Variants in ZFPM2 observed in about 807,000 individuals in gnomAD.
ZFPM2 encodes zinc finger protein ZFPM2.
A neutral mutation model predicts 98.6 loss-of-function variants in ZFPM2; 20 were observed. That is an observed-to-expected ratio of 0.20 (90% CI 0.14 to 0.29). The LOEUF (loss-of-function observed/expected upper bound fraction) is 0.29. Ranked by LOEUF, ZFPM2 falls within the 10% of genes least tolerant of loss-of-function variation. The pLI, the probability that ZFPM2 is intolerant of heterozygous loss-of-function variation, is 1.00. For missense variants in ZFPM2, 1,310 were observed against 1,388.6 expected (o/e 0.94, Z 0.90); for synonymous variants, 518 against 502.7 (o/e 1.03, Z -0.41).
At chr8:105,533,031 C>T (rs368213533) in intron 3 of ZFPM2, among the ~76,000 whole-genome samples, 1 of 151,852 alleles carries the variant, frequency 6.6e-6, no homozygotes, top group African/African-American at 2.4e-5. Context: ...AATTTGAATG[C>T]GTAGAATTAA....
chr8:105,746,007 A>T (rs560104870), intron 5 of ZFPM2, among the ~76,000 whole-genome samples: 1 of 152,118 alleles, frequency 6.6e-6, no homozygotes, highest in African/African-American at 2.4e-5. Context: ...CCTGGCCTCA[A>T]TTGATCCTCC....
At chr8:105,475,638 T>C (rs1812998700) in intron 3 of ZFPM2, among the ~76,000 whole-genome samples, 1 of 152,202 alleles carries the variant, frequency 6.6e-6, no homozygotes, top group South Asian at 2.1e-4. Context: ...CAAATTTCAA[T>C]GTGAATTAGA....
At chr8:105,658,581 C>A (rs1416018560) in intron 5 of ZFPM2, among the ~76,000 whole-genome samples, 1 of 11,148 alleles carries the variant, frequency 9.0e-5, no homozygotes, top group African/African-American at 2.8e-4. Context: ...AGCGAGACTC[C>A]GTCTCAAAAA....
chr8:105,524,896 A>G (rs1269463605), intron 3 of ZFPM2, among the ~76,000 whole-genome samples: 1 of 152,176 alleles, frequency 6.6e-6, no homozygotes, highest in Non-Finnish European at 1.5e-5. Flanking sequence ...GTGTCTCACC[A>G]GGAGATAATG....
intron 1 of ZFPM2, among the ~76,000 whole-genome samples, chr8:105,349,927 T>C (rs1586308707): frequency 6.6e-6 from 1 of 152,328 alleles, no homozygotes; most frequent in Admixed American, 6.5e-5. Context: ...TGATTTGTTA[T>C]AATTTATTTA....
intron 5 of ZFPM2, among the ~76,000 whole-genome samples, chr8:105,657,804 CA>C (rs1254959872): frequency 1.3e-5 from 2 of 152,184 alleles, no homozygotes; most frequent in East Asian, 3.9e-4. Context: ...GTCCAAGACA[CA>C]ACCTTGCCTA....
At chr8:105,470,448 G>T (rs187437614) in intron 3 of ZFPM2, among the ~76,000 whole-genome samples, 2 of 152,104 alleles carry the variant, frequency 1.3e-5, no homozygotes, top group African/African-American at 4.8e-5. Flanking sequence ...ACCTGGGGAT[G>T]GTAAACAACA....
At chr8:105,537,962 C>G (rs1814492121) in intron 3 of ZFPM2, among the ~76,000 whole-genome samples, 1 of 152,060 alleles carries the variant, frequency 6.6e-6, no homozygotes, top group African/African-American at 2.4e-5. Context: ...GATCTCCTGA[C>G]CTCATGATCC....
intron 4 of ZFPM2, among the ~76,000 whole-genome samples, chr8:105,624,326 C>T (rs1383132816): frequency 2.6e-5 from 4 of 152,182 alleles, no homozygotes; most frequent in African/African-American, 9.6e-5. Flanking sequence ...AAACAACACT[C>T]CTTAAACACC....
At chr8:105,470,056 A>C (rs1163033448) in intron 3 of ZFPM2, among the ~76,000 whole-genome samples, 2 of 152,188 alleles carry the variant, frequency 1.3e-5, no homozygotes, top group Non-Finnish European at 2.9e-5. Context: ...CATGAGTGTA[A>C]AAGCTATGTC....
chr8:105,571,155 A>G (rs1250643012), intron 4 of ZFPM2, among the ~76,000 whole-genome samples: 1 of 152,222 alleles, frequency 6.6e-6, no homozygotes, highest in East Asian at 1.9e-4. Flanking sequence ...CTATTGATTT[A>G]TAGCTCCAGA....
rs1404513559 is a variant in ZFPM2, at chr8:105,419,295, T to G, written c.192T>G (p.Cys64Trp). 1.2e-6 allele frequency: 2 copies of G among 1,613,272 alleles called. No individual in the cohort carries two copies. Among genetic ancestry groups the G allele is most frequent in the Non-Finnish European group, 1.7e-6 (2 of 1,179,558 alleles). ...GCTGCGAAGAAGTGGAATACTTTTG[T>G]AACAAAGGTAATTGTTGATGGTTGG... is the stretch of plus-strand genomic sequence containing the variant. ...NLSCEEVEYF[C>W]NKGDDEGIQE... Residue 64 changes from cysteine (C) to tryptophan (W), a missense_variant, in exon 2 of 8, where the codon TGT becomes TGG. Coordinates refer to ENST00000407775, the MANE Select transcript of ZFPM2 (RefSeq NM_012082.4).
intron 3 of ZFPM2, among the ~76,000 whole-genome samples, chr8:105,557,167 A>G (rs1043487328): frequency 1.3e-5 from 2 of 152,112 alleles, no homozygotes; most frequent in Non-Finnish European, 2.9e-5. Flanking sequence ...TAAAGTTTCT[A>G]TGCCTATTCC....
intron 3 of ZFPM2, among the ~76,000 whole-genome samples, chr8:105,494,721 A>G (rs981916068): frequency 6.6e-6 from 1 of 152,190 alleles, no homozygotes; most frequent in African/African-American, 2.4e-5. Flanking sequence ...CTCAGCATGA[A>G]GAACCAAGCA....
intron 4 of ZFPM2, among the ~76,000 whole-genome samples, chr8:105,633,959 A>G (rs1816798925): frequency 6.6e-6 from 1 of 152,128 alleles, no homozygotes; most frequent in Non-Finnish European, 1.5e-5. Flanking sequence ...TTCTCTTTAT[A>G]ATTCAGAGCC....
chr8:105,419,897 T>C (rs1415614967), intron 2 of ZFPM2, among the ~76,000 whole-genome samples: 2 of 149,056 alleles, frequency 1.3e-5, no homozygotes, highest in Non-Finnish European at 2.9e-5. Context: ...CAGCCATGAC[T>C]TGGAGCCAGA....
chr8:105,794,180 T>C (rs7818275), intron 6 of ZFPM2, among the ~76,000 whole-genome samples: 25,412 of 151,932 alleles, frequency 0.17, 3,744 homozygotes, highest in African/African-American at 0.4. Context: ...TTTTTCTGCT[T>C]TGTTTTTTCC....
intron 2 of ZFPM2, among the ~76,000 whole-genome samples, chr8:105,435,096 G>A (rs573867423): frequency 3.3e-5 from 5 of 152,188 alleles, no homozygotes; most frequent in Admixed American, 6.5e-5. Flanking sequence ...GCATTTCCCC[G>A]AGCCATTTAT....
intron 3 of ZFPM2, among the ~76,000 whole-genome samples, chr8:105,522,282 A>T (rs1814080064): frequency 2.0e-5 from 3 of 152,232 alleles, no homozygotes; most frequent in Admixed American, 2.0e-4. Context: ...ATATACAGGC[A>T]TTACTTATAT....
Sources: gnomAD v4.1 joint callset for allele counts (sites outside exome capture counted in the v4.1 genomes callset) on GRCh38, gnomAD v4.1.1 for gene constraint, MANE v1.5 for transcripts, NCBI Gene and HGNC (gene_info 2026-07-23, HGNC 2026-07-21) for gene names.